EIF4G3: variants seen among roughly 807,000 people sequenced by gnomAD.
EIF4G3 encodes eukaryotic translation initiation factor 4 gamma 3, also known as eIF-4-gamma 3.
EIF4G3 carries 34 observed loss-of-function variants against 186.4 expected under a neutral mutation model. The ratio of observed to expected loss-of-function variants is 0.18; its 90% confidence interval spans 0.14 to 0.24. EIF4G3 has a LOEUF of 0.24. Among genes scored for constraint, EIF4G3 ranks in the 10% least tolerant of loss-of-function variants. The pLI, the probability that EIF4G3 is intolerant of heterozygous loss-of-function variation, is 1.00. For synonymous variants in EIF4G3, 673 were observed against 679.5 expected (o/e 0.99, Z 0.15); for missense variants, 1,536 against 1,948.5 (o/e 0.79, Z 3.99).
At chr1:20,930,929 G>A (rs1029446805) in intron 14 of EIF4G3, among the ~76,000 whole-genome samples, 1 of 151,838 alleles carries the variant, frequency 6.6e-6, no homozygotes, top group Non-Finnish European at 1.5e-5. Context: ...GAACTTTGAA[G>A]TTCTGAGCTC....
intron 22 of EIF4G3, among the ~76,000 whole-genome samples, chr1:20,862,767 G>A (rs190058528): frequency 6.6e-6 from 1 of 152,182 alleles, no homozygotes; most frequent in African/African-American, 2.4e-5. Flanking sequence ...AATATAATGT[G>A]GTAGAATTTT....
intron 2 of EIF4G3, among the ~76,000 whole-genome samples, chr1:21,104,287 G>A (rs1418823790): frequency 6.6e-6 from 1 of 152,126 alleles, no homozygotes; most frequent in African/African-American, 2.4e-5. Context: ...AATATTTTAT[G>A]AGTAGCTACA....
intron 20 of EIF4G3, among the ~76,000 whole-genome samples, chr1:20,874,164 TC>T (rs2080081082): frequency 6.6e-6 from 1 of 152,174 alleles, no homozygotes; most frequent in Non-Finnish European, 1.5e-5. Flanking sequence ...TGTGCATGTG[TC>T]TTTATAGTAG....
chr1:21,043,619 C>T (rs190391067), intron 4 of EIF4G3, among the ~76,000 whole-genome samples: 86 of 152,256 alleles, frequency 5.6e-4, no homozygotes, highest in African/African-American at 2.0e-3. Flanking sequence ...AGGCCAGGCA[C>T]GGTGGCTCAC....
At chr1:21,063,325 G>C (rs1039627321) in intron 3 of EIF4G3, among the ~76,000 whole-genome samples, 4 of 151,976 alleles carry the variant, frequency 2.6e-5, no homozygotes, top group Non-Finnish European at 4.4e-5. Context: ...GAACAACAAG[G>C]GTTCAGATCA....
chr1:21,001,797 G>C (rs1001189993), intron 5 of EIF4G3, among the ~76,000 whole-genome samples: 2 of 152,168 alleles, frequency 1.3e-5, no homozygotes, highest in Non-Finnish European at 2.9e-5. Context: ...TGCTCTCCTA[G>C]TTCTTTAAGT....
At chr1:20,889,639 C>T (rs1231356203) in intron 18 of EIF4G3, among the ~76,000 whole-genome samples, 1 of 151,994 alleles carries the variant, frequency 6.6e-6, no homozygotes, top group African/African-American at 2.4e-5. Context: ...TACAGGCGCC[C>T]GCCACCACAC....
At chr1:21,139,246 T>C (rs2097298634) in intron 2 of EIF4G3, among the ~76,000 whole-genome samples, 1 of 152,152 alleles carries the variant, frequency 6.6e-6, no homozygotes, top group South Asian at 2.1e-4. Context: ...TAAAAGAATA[T>C]ATCCATTGAG....
At chr1:21,152,449 C>T (rs906533990) in intron 2 of EIF4G3, among the ~76,000 whole-genome samples, 23 of 148,272 alleles carry the variant, frequency 1.6e-4, no homozygotes, top group Admixed American at 1.3e-3. Context: ...AACTTGCTAA[C>T]ACTAAAAAAA....
intron 2 of EIF4G3, among the ~76,000 whole-genome samples, chr1:21,132,874 C>T (rs546920397): frequency 1.6e-4 from 25 of 152,222 alleles, no homozygotes; most frequent in Non-Finnish European, 2.6e-4. Context: ...CTTCCGCCTC[C>T]CAGGTTCAAG....
intron 32 of EIF4G3, among the ~76,000 whole-genome samples, chr1:20,826,492 T>C (rs1011965613): frequency 7.4e-6 from 1 of 135,688 alleles, no homozygotes; most frequent in East Asian, 2.1e-4. Context: ...TTTTTTTTTT[T>C]TTTTTTTTTT....
intron 14 of EIF4G3, among the ~76,000 whole-genome samples, chr1:20,931,181 A>G (rs2095291915): frequency 6.6e-6 from 1 of 152,136 alleles, no homozygotes; most frequent in South Asian, 2.1e-4. Flanking sequence ...CGAACAAATC[A>G]GATTTCCAGG....
intron 30 of EIF4G3, among the ~76,000 whole-genome samples, chr1:20,831,812 T>G (rs2065337292): frequency 7.0e-6 from 1 of 141,866 alleles, no homozygotes; most frequent in African/African-American, 2.6e-5. Context: ...CCTGTGTCCA[T>G]GTGATCTCAT....
intron 2 of EIF4G3, among the ~76,000 whole-genome samples, chr1:21,174,324 T>C (rs138568508): frequency 1.1e-3 from 163 of 152,330 alleles, no homozygotes; most frequent in African/African-American, 3.6e-3. Context: ...AGTCCTTCTA[T>C]GAAATGCACT....
chr1:20,856,948 G>A (rs2075087596), intron 25 of EIF4G3, among the ~76,000 whole-genome samples: 2 of 152,014 alleles, frequency 1.3e-5, no homozygotes, highest in African/African-American at 2.4e-5. Flanking sequence ...GGATCACAAG[G>A]TCAGGAGATC....
intron 27 of EIF4G3, 44 bp downstream of exon 27, chr1:20,853,516 C>T: frequency 7.6e-7 from 1 of 1,321,022 alleles, no homozygotes; most frequent in Non-Finnish European, 1.1e-6. Context: ...CACATACTGG[C>T]AAGCGGGCCA....
At chr1:20,933,256 A>C (rs888264050) in intron 14 of EIF4G3, among the ~76,000 whole-genome samples, 5 of 152,182 alleles carry the variant, frequency 3.3e-5, no homozygotes, top group Non-Finnish European at 7.3e-5. Context: ...AGTGGGGGCA[A>C]AACTGGGACC....
At chr1:21,054,064 G>A (rs1007826365) in intron 3 of EIF4G3, among the ~76,000 whole-genome samples, 1 of 152,120 alleles carries the variant, frequency 6.6e-6, no homozygotes, top group African/African-American at 2.4e-5. Context: ...GAAATCGGAT[G>A]GTTGCCATGT....
Position 21,141,746 on chromosome 1 carries a change from T to C in EIF4G3, c.-272+34429A>G, listed in dbSNP as rs529788589. Among the ~76,000 whole-genome samples, 6 of 152,116 alleles carry C rather than the reference T, an allele frequency of 3.9e-5. No individual in the cohort carries two copies. The South Asian group carries it at 6.2e-4, about 16-fold the overall frequency. On this transcript the variant is annotated intron_variant, in intron 2 of 36. Transcript: ENST00000602326. ...GAGTTCAAGACTAGCCTGGACAACA[T>C]AGTGAGACCCTGACTCTACCAAAAA...
Sources: allele counts gnomAD v4.1 joint callset (sites outside exome capture counted in the v4.1 genomes callset), GRCh38; gene constraint gnomAD v4.1.1; transcripts MANE v1.5; gene names NCBI Gene and HGNC (gene_info 2026-07-23, HGNC 2026-07-21).